The following SSBP2 variants were observed in gnomAD, a reference collection of about 807,000 sequenced individuals.
The protein encoded by SSBP2 is single-stranded DNA-binding protein 2.
Under a neutral mutation model 61.8 loss-of-function variants are expected in SSBP2, and 17 were observed. That is an observed-to-expected ratio of 0.28 (90% confidence interval 0.19 to 0.41). The LOEUF is 0.41. Among genes scored for constraint, SSBP2 ranks in the 10% least tolerant of loss-of-function variants. The pLI, the probability that SSBP2 is intolerant of heterozygous loss-of-function variation, is 1.00. For missense variants in SSBP2, 310 were observed against 458.7 expected (o/e 0.68, Z 2.96); for synonymous variants, 139 against 141.3 (o/e 0.98, Z 0.12).
intron 10 of SSBP2, among the ~76,000 whole-genome samples, chr5:81,452,138 A>G (rs1174797404): frequency 6.6e-6 from 1 of 152,188 alleles, no homozygotes; most frequent in Non-Finnish European, 1.5e-5. Context: ...ATGCTATGCT[A>G]TGTTATATAG....
intron 5 of SSBP2, among the ~76,000 whole-genome samples, chr5:81,511,516 C>T (rs1222044528): frequency 6.6e-6 from 1 of 152,152 alleles, no homozygotes; most frequent in Non-Finnish European, 1.5e-5. Flanking sequence ...TCCCCACTAC[C>T]TTCTGTATGT....
At chr5:81,598,679 A>G (rs1196059562) in intron 4 of SSBP2, among the ~76,000 whole-genome samples, 1 of 152,146 alleles carries the variant, frequency 6.6e-6, no homozygotes, top group African/African-American at 2.4e-5. Flanking sequence ...CAAAATCCCT[A>G]TCTGTTCCCA....
At chr5:81,600,334 G>A (rs980760347) in intron 4 of SSBP2, among the ~76,000 whole-genome samples, 56 of 151,954 alleles carry the variant, frequency 3.7e-4, no homozygotes, top group African/African-American at 1.2e-3. Flanking sequence ...AGGCCAAGGC[G>A]GGCAGATCAT....
chr5:81,710,823 G>T, intron 1 of SSBP2: 1 of 370,306 alleles, frequency 2.7e-6, no homozygotes, highest in South Asian at 2.1e-5. Context: ...AAAATTGGCA[G>T]GAAGGAAAGA....
At chr5:81,707,473 G>C (rs1202335397) in intron 1 of SSBP2, among the ~76,000 whole-genome samples, 1 of 152,068 alleles carries the variant, frequency 6.6e-6, no homozygotes, top group Non-Finnish European at 1.5e-5. Context: ...GGGTGAGGTT[G>C]GTCAGTTCAT....
At chr5:81,637,081 A>G (rs1241344551) in intron 2 of SSBP2, among the ~76,000 whole-genome samples, 3 of 152,208 alleles carry the variant, frequency 2.0e-5, no homozygotes, top group Non-Finnish European at 4.4e-5. Flanking sequence ...TCATCCAGTG[A>G]TAATAGCTGT....
At chr5:81,621,992 A>G (rs1422376183) in intron 3 of SSBP2, among the ~76,000 whole-genome samples, 1 of 146,880 alleles carries the variant, frequency 6.8e-6, no homozygotes, top group Admixed American at 6.8e-5. Flanking sequence ...GCATTGGGAG[A>G]TATACCTAAG....
chr5:81,420,427 G>A lies in SSBP2; in HGVS notation c.*77C>T. ...ATTCCTTTGTTTAACTGTACACTGT[G>A]ATGAATAATTTTCTTCCGTAGTAGT... On this transcript the variant is annotated 3_prime_UTR_variant, in exon 17 of 17. Coordinates refer to ENST00000320672, the MANE Select transcript of SSBP2 (RefSeq NM_012446.5). 1.5e-6 allele frequency: 2 copies of A among 1,369,956 alleles called. No homozygotes were observed. The highest frequency in any genetic ancestry group is 2.1e-6 in the Non-Finnish European group (2 of 958,688). The allele number at this position is 1,369,956 out of a possible 1,614,324, so 84.9% of individuals were successfully genotyped here. A position where few individuals can be genotyped will look rare whatever the true frequency, so the allele number is the denominator to read the frequency against.
intron 1 of SSBP2, among the ~76,000 whole-genome samples, chr5:81,672,570 TTTC>T (rs1372370695): frequency 6.6e-6 from 1 of 151,878 alleles, no homozygotes; most frequent in Middle Eastern, 3.4e-3. Context: ...CCAGATACTT[TTTC>T]TTTTTTTTTT....
At chr5:81,437,500 T>A in intron 14 of SSBP2, 42 bp from the exon 15 acceptor site, 1 of 1,542,914 alleles carries the variant, frequency 6.5e-7, no homozygotes, top group Non-Finnish European at 8.8e-7. Context: ...TAGGTAAGAT[T>A]TCATTTATAA....
chr5:81,623,557 G>A (rs918685529), intron 3 of SSBP2, among the ~76,000 whole-genome samples: 5 of 151,552 alleles, frequency 3.3e-5, no homozygotes, highest in African/African-American at 9.7e-5. Flanking sequence ...GGATGGTCTC[G>A]ATCTCCTGAC....
At chr5:81,666,461 T>C (rs1037151561) in intron 1 of SSBP2, among the ~76,000 whole-genome samples, 5 of 152,194 alleles carry the variant, frequency 3.3e-5, no homozygotes, top group Non-Finnish European at 7.4e-5. Context: ...ACTGAGCATG[T>C]AGGTTTGGGA....
chr5:81,420,997 G>T (rs1278536204), intron 16 of SSBP2, among the ~76,000 whole-genome samples: 1 of 151,694 alleles, frequency 6.6e-6, no homozygotes, highest in East Asian at 2.0e-4. Context: ...GGGAAGATGA[G>T]ATATAAAATC....
intron 4 of SSBP2, among the ~76,000 whole-genome samples, chr5:81,539,385 G>C (rs1457866388): frequency 6.6e-6 from 1 of 152,158 alleles, no homozygotes; most frequent in Non-Finnish European, 1.5e-5. Flanking sequence ...AGAATCTACT[G>C]GTGAAGATGC....
At chr5:81,749,251 T>C (rs1253190700) in intron 1 of SSBP2, among the ~76,000 whole-genome samples, 1 of 152,232 alleles carries the variant, frequency 6.6e-6, no homozygotes, top group African/African-American at 2.4e-5. Flanking sequence ...AACAAGATCC[T>C]GAATGCAGCT....
intron 15 of SSBP2, among the ~76,000 whole-genome samples, chr5:81,430,806 G>C (rs1429024877): frequency 6.6e-6 from 1 of 152,122 alleles, no homozygotes; most frequent in Admixed American, 6.5e-5. Context: ...ATACAAAACT[G>C]AGATAAAATC....
At chr5:81,451,587 C>T (rs570640392) in intron 10 of SSBP2, among the ~76,000 whole-genome samples, 15 of 152,040 alleles carry the variant, frequency 9.9e-5, no homozygotes, top group Admixed American at 2.0e-4. Flanking sequence ...CTATCACGCC[C>T]GGCTAATTTT....
chr5:81,518,736 T>C (rs1769231171), intron 4 of SSBP2, among the ~76,000 whole-genome samples: 1 of 152,162 alleles, frequency 6.6e-6, no homozygotes, highest in South Asian at 2.1e-4. Context: ...ATATTTTGGC[T>C]ATTGGTTGAG....
intron 9 of SSBP2, 39 bp downstream of exon 9, chr5:81,466,935 T>C (rs752400546): frequency 8.1e-7 from 1 of 1,228,788 alleles, no homozygotes; most frequent in Non-Finnish European, 1.2e-6. Flanking sequence ...TAAAATATCA[T>C]CCACGTAATA....
Sources: allele counts gnomAD v4.1 joint callset (sites outside exome capture counted in the v4.1 genomes callset), GRCh38; gene constraint gnomAD v4.1.1; transcripts MANE v1.5; gene names NCBI Gene and HGNC (gene_info 2026-07-23, HGNC 2026-07-21).